Variants in KDM6A observed in about 807,000 individuals in gnomAD.
The protein encoded by KDM6A is lysine-specific demethylase 6A.
A neutral mutation model predicts 117.6 loss-of-function variants in KDM6A; 11 were observed. The observed-to-expected ratio is 0.09, with a 90% confidence interval of 0.06 to 0.15. The LOEUF (loss-of-function observed/expected upper bound fraction) is 0.15. Among genes scored for constraint, KDM6A ranks in the 10% least tolerant of loss-of-function variants. The pLI, the probability that KDM6A is intolerant of heterozygous loss-of-function variation, is 1.00. For synonymous variants in KDM6A, 384 were observed against 396.1 expected, an observed-to-expected ratio of 0.97 and a Z score of 0.36; for missense variants, 799 against 1,077.3, an observed-to-expected ratio of 0.74 and a Z score of 3.62.
intron 4 of KDM6A, among the ~76,000 whole-genome samples, chrX:44,994,060 A>G (rs1189934431): frequency 9.0e-6 from 1 of 111,719 alleles, no homozygotes; most frequent in Non-Finnish European, 1.9e-5. Flanking sequence ...GAGATATGAT[A>G]GATTTTCCCA....
chrX:44,951,255 C>A (rs186775466), intron 2 of KDM6A, among the ~76,000 whole-genome samples: 1 of 111,288 alleles, frequency 9.0e-6, no homozygotes, highest in African/African-American at 3.3e-5. Flanking sequence ...GGATTTTGAG[C>A]GTTATTCCTA....
In KDM6A at chrX:45,020,680, C is replaced by T. The variant is rs189751539; in HGVS notation, c.514C>T (p.Arg172Ter). The T allele has an allele frequency of 8.3e-7, 1 of 1,207,112 alleles. No individual in the cohort carries two copies. Among genetic ancestry groups the T allele is most frequent in the African/African-American group, 1.8e-5 (1 of 57,137 alleles). ...TTGTCGAGCCAAGGAAATTCATTTA[C>T]GACTTGGGCTTATGTTCAAAGTGAA... is the stretch of plus-strand genomic sequence containing the variant. ...SFCRAKEIHLRLGLMFKVNTD... is the reference protein window; with the variant it reads ...SFCRAKEIHL Residue 172 changes from arginine to a stop codon, truncating the protein, a stop_gained, in exon 6 of 30, where the codon CGA (arginine) becomes TGA (stop). Transcript: ENST00000611820. LOFTEE classifies it high-confidence loss of function.
At chrX:45,090,893 CCT>C in intron 27 of KDM6A, 29 bp downstream of exon 27, 4 of 1,200,894 alleles carry the variant, frequency 3.3e-6, no homozygotes, top group Non-Finnish European at 4.5e-6. Flanking sequence ...TGCTGTAGTC[CCT>C]CTCTTTTTGG....
chrX:44,957,035 C>T (rs2038372724), intron 2 of KDM6A, among the ~76,000 whole-genome samples: 1 of 110,404 alleles, frequency 9.1e-6, no homozygotes, highest in Non-Finnish European at 1.9e-5. Context: ...GAGGCTGAGG[C>T]AGGAGAATCG....
chrX:45,089,858 G>T lies in KDM6A; in HGVS notation c.3820G>T (p.Ala1274Ser). 1 of 1,210,823 alleles carries T rather than the reference G, an allele frequency of 8.3e-7. No homozygotes were observed. Among genetic ancestry groups the T allele is most frequent in the East Asian group, 3.0e-5 (1 of 33,836 alleles). Residue 1274 changes from alanine (A) to serine (S), a missense_variant, in exon 26 of 30, where the codon GCA (alanine) becomes TCA (serine). Coordinates refer to ENST00000611820, the MANE Select transcript of KDM6A (RefSeq NM_001291415.2). ...QRPGDLVWINAGTVHWVQAIG... is the reference protein window; with the variant it reads ...QRPGDLVWINSGTVHWVQAIG... ...ACCTGGAGATTTGGTCTGGATAAAT[G>T]CAGGCACTGTTCATTGGGTTCAGGC...
At chrX:45,073,913 C>T (rs972761857) in intron 18 of KDM6A, among the ~76,000 whole-genome samples, 29 of 111,557 alleles carry the variant, frequency 2.6e-4, no homozygotes, top group African/African-American at 8.2e-4. Flanking sequence ...CTTTTGTTGC[C>T]ATTGCTTTTG....
At position 44,874,097 on chromosome X, in the gene KDM6A, A is replaced by G. The variant is rs1601998989; in HGVS notation, c.225+110A>G. 8.4e-6 allele frequency: 6 copies of G among 713,213 alleles called. No homozygotes were observed. The East Asian group carries it at 2.1e-4, about 25-fold the overall frequency. 58.8% of individuals were successfully genotyped at this position (713,213 alleles called of 1,213,427 possible). On this transcript the variant is annotated intron_variant, in intron 2 of 29. Coordinates refer to ENST00000611820, the MANE Select transcript of KDM6A (RefSeq NM_001291415.2). ...TCATTGTGGCCACGGACGATGGTCG[A>G]GGGGCTTCCGGAAACTATTTCCTGC... is the stretch of plus-strand genomic sequence containing the variant.
intron 4 of KDM6A, among the ~76,000 whole-genome samples, chrX:45,004,172 C>A (rs1209269409): frequency 9.1e-6 from 1 of 110,451 alleles, no homozygotes; most frequent in Non-Finnish European, 1.9e-5. Flanking sequence ...GTCCTTCCTC[C>A]TTAGTTCTGG....
intron 2 of KDM6A, among the ~76,000 whole-genome samples, chrX:44,879,278 A>G (rs2032010854): frequency 8.9e-6 from 1 of 112,254 alleles, no homozygotes; most frequent in African/African-American, 3.2e-5. Flanking sequence ...TTTGAAATTG[A>G]TGTTAATGAC....
chrX:44,997,517 T>C (rs1353818936), intron 4 of KDM6A, among the ~76,000 whole-genome samples: 1 of 111,848 alleles, frequency 8.9e-6, no homozygotes, highest in African/African-American at 3.3e-5. Flanking sequence ...TTTCTGTCTC[T>C]GCCTTGCTAG....
intron 2 of KDM6A, among the ~76,000 whole-genome samples, chrX:44,958,728 T>G (rs2038505686): frequency 9.3e-6 from 1 of 107,592 alleles, no homozygotes; most frequent in Non-Finnish European, 1.9e-5. Flanking sequence ...TCTGCAGTTG[T>G]GTACAAAGCT....
intron 2 of KDM6A, among the ~76,000 whole-genome samples, chrX:44,910,414 C>T (rs2035018373): frequency 9.1e-6 from 1 of 110,484 alleles, no homozygotes; most frequent in Non-Finnish European, 1.9e-5. Context: ...GTCTGGAACT[C>T]CTGACCTCAA....
rs748688717 is a variant in KDM6A, at chrX:45,110,079, G to A, written c.4162G>A (p.Val1388Met). The A allele has an allele frequency of 1.7e-6, 2 of 1,207,249 alleles. No homozygotes were observed. Among genetic ancestry groups the A allele is most frequent in the South Asian group, 1.8e-5 (1 of 56,906 alleles). Reference protein sequence around the residue: ...EPAHYCSICEVEVFDLLFVTN... With the variant: ...EPAHYCSICEMEVFDLLFVTN... ...TACGTTTTTCTCTTGTATAAAACAG[G>A]TGGAGGTTTTTGATCTGCTTTTTGT... The change falls in exon 29 of 30, where the codon GTG becomes ATG. Residue 1388 changes from valine to methionine, a missense_variant and splice_region_variant. Val to Met is a conservative substitution (Grantham distance 21). This residue lies in a region of KDM6A where 291 missense variants were observed against 437.9 expected (regional missense o/e 0.66). Coordinates refer to ENST00000611820, the MANE Select transcript of KDM6A (RefSeq NM_001291415.2).
At chrX:45,038,401 T>C (rs190371573) in intron 8 of KDM6A, among the ~76,000 whole-genome samples, 6 of 111,265 alleles carry the variant, frequency 5.4e-5, no homozygotes, top group Non-Finnish European at 9.4e-5. Context: ...CTGAAATAAC[T>C]CTTCTATGTG....
chrX:44,929,529 A>T (rs978204902), intron 2 of KDM6A, among the ~76,000 whole-genome samples: 1 of 112,092 alleles, frequency 8.9e-6, no homozygotes, highest in Non-Finnish European at 1.9e-5. Context: ...GCATATGGAT[A>T]TACCACAGAT....
At chrX:45,042,401 G>C (rs1284069420) in intron 8 of KDM6A, among the ~76,000 whole-genome samples, 1 of 108,792 alleles carries the variant, frequency 9.2e-6, no homozygotes, top group African/African-American at 3.4e-5. Context: ...GACACTGTAA[G>C]TATATGAAAG....
chrX:45,089,525 CAAAA>C (rs766771357), intron 25 of KDM6A, among the ~76,000 whole-genome samples: 1 of 51,077 alleles, frequency 2.0e-5, no homozygotes, highest in Non-Finnish European at 3.8e-5. Flanking sequence ...GACTTTGTCT[CAAAA>C]AAAAAAAAAA....
At chrX:44,973,592 A>T (rs780438468) in intron 3 of KDM6A, among the ~76,000 whole-genome samples, 1 of 111,229 alleles carries the variant, frequency 9.0e-6, no homozygotes, top group African/African-American at 3.3e-5. Flanking sequence ...CTAGAATTAC[A>T]TATCTGTTGT....
chrX:45,051,762 T>C lies in KDM6A; in HGVS notation c.708T>C (p.Asn236=). 1 of 1,189,713 alleles carries C rather than the reference T, an allele frequency of 8.4e-7. No homozygotes were observed. Among genetic ancestry groups the C allele is most frequent in the Non-Finnish European group, 1.1e-6 (1 of 876,738 alleles). ...ATGAACAACTTTTGCAGACAGAGAA[T>C]CTTTCTGCACAAGTAAAAGCAACTG... ...EAYEQLLQTE[N]LSAQVKATVL... Residue 236 remains asparagine, a synonymous_variant, in exon 9 of 30, where the codon AAT becomes AAC. Coordinates refer to ENST00000611820, the MANE Select transcript of KDM6A (RefSeq NM_001291415.2).
Sources: gnomAD v4.1 joint callset for allele counts (sites outside exome capture counted in the v4.1 genomes callset) on GRCh38, gnomAD v4.1.1 for gene constraint, gnomAD v4.1.1 regional missense constraint, MANE v1.5 for transcripts, NCBI Gene and HGNC (gene_info 2026-07-23, HGNC 2026-07-21) for gene names.